Variants in CRYBG1 observed in about 807,000 individuals in gnomAD.
CRYBG1 encodes beta/gamma crystallin domain-containing protein 1.
In CRYBG1, 139 loss-of-function variants were observed where a neutral mutation model predicts 189.2. That is an observed-to-expected ratio of 0.73 (90% CI 0.64 to 0.85). The LOEUF is 0.85. Ranked by LOEUF, CRYBG1 falls within the 40% of genes least tolerant of loss-of-function variation. CRYBG1 has a pLI of 0.00. For missense variants in CRYBG1, 2,611 were observed against 2,675.8 expected, an observed-to-expected ratio of 0.98 and a Z score of 0.53; for synonymous variants, 1,023 against 1,017.1, an observed-to-expected ratio of 1.01 and a Z score of -0.11.
intron 2 of CRYBG1, among the ~76,000 whole-genome samples, chr6:106,489,268 A>G (rs1397691324): frequency 1.3e-5 from 2 of 152,028 alleles, no homozygotes; most frequent in African/African-American, 4.8e-5. Context: ...CAGTCACTCC[A>G]GTCAGAATAT....
At chr6:106,465,146 T>G (rs1234783310) in intron 2 of CRYBG1, among the ~76,000 whole-genome samples, 1 of 152,214 alleles carries the variant, frequency 6.6e-6, no homozygotes, top group African/African-American at 2.4e-5. Flanking sequence ...CTCAAATAAT[T>G]TATCCATATT....
intron 1 of CRYBG1, among the ~76,000 whole-genome samples, chr6:106,368,643 T>C (rs1381410974): frequency 2.0e-5 from 3 of 152,182 alleles, no homozygotes; most frequent in Non-Finnish European, 4.4e-5. Flanking sequence ...ATATGAGAAG[T>C]CTTCCCTCTA....
chr6:106,508,305 G>GT (rs2114518490), intron 2 of CRYBG1, among the ~76,000 whole-genome samples: 1 of 116,424 alleles, frequency 8.6e-6, no homozygotes, highest in East Asian at 3.2e-4. Context: ...TTTCCCAGGG[G>GT]GAAAACTCTG....
intron 1 of CRYBG1, among the ~76,000 whole-genome samples, chr6:106,397,140 T>G (rs1179980912): frequency 6.6e-6 from 1 of 152,250 alleles, no homozygotes; most frequent in African/African-American, 2.4e-5. Context: ...AACGTGTAAT[T>G]GGCAAATAAA....
intron 1 of CRYBG1, among the ~76,000 whole-genome samples, chr6:106,429,302 T>G (rs1034336235): frequency 6.6e-6 from 1 of 152,188 alleles, no homozygotes; most frequent in African/African-American, 2.4e-5. Context: ...CCTCAGTTCT[T>G]CCTTTTATAA....
chr6:106,404,964 C>CA, intron 1 of CRYBG1, among the ~76,000 whole-genome samples: 1 of 152,136 alleles, frequency 6.6e-6, no homozygotes, highest in African/African-American at 2.4e-5. Context: ...GCTGTTTGGG[C>CA]AGACACCAAG....
chr6:106,546,104 T>C (rs1774261602), intron 13 of CRYBG1, among the ~76,000 whole-genome samples: 1 of 152,154 alleles, frequency 6.6e-6, no homozygotes, highest in South Asian at 2.1e-4. Context: ...GAGACGGCCA[T>C]GTCTGGGCTA....
At position 106,544,595 on chromosome 6, in the gene CRYBG1, A is replaced by AT. The variant is rs765061637; in HGVS notation, c.5067dup (p.Thr1690TyrfsTer34). ...GTTGGGTTGCATATGAGAAACCTGG[A>AT]TTTACCGGTCATCAGTATTTGCTAG... On this transcript the variant is annotated frameshift_variant, in exon 12 of 22. Coordinates refer to ENST00000633556, the MANE Select transcript of CRYBG1 (RefSeq NM_001371242.2). LOFTEE classifies it high-confidence loss of function. The AT allele has an allele frequency of 2.2e-5, 36 of 1,613,828 alleles. No homozygotes were observed. The highest frequency in any genetic ancestry group is 3.0e-5 in the Non-Finnish European group (35 of 1,179,874).
chr6:106,447,627 G>A (rs1771691535), intron 1 of CRYBG1, among the ~76,000 whole-genome samples: 1 of 150,006 alleles, frequency 6.7e-6, no homozygotes, highest in Non-Finnish European at 1.5e-5. Flanking sequence ...TTACCCTTTG[G>A]AAAAGAAAAG....
chr6:106,412,139 T>C (rs1425550882), intron 1 of CRYBG1, among the ~76,000 whole-genome samples: 1 of 152,234 alleles, frequency 6.6e-6, no homozygotes, highest in East Asian at 1.9e-4. Flanking sequence ...ATCACATCGT[T>C]ATTCACAGAT....
chr6:106,558,073 A>C (rs954575729), intron 17 of CRYBG1, among the ~76,000 whole-genome samples: 5 of 152,142 alleles, frequency 3.3e-5, no homozygotes, highest in Non-Finnish European at 7.4e-5. Context: ...AGGCAATACC[A>C]CTGTACACTA....
intron 2 of CRYBG1, among the ~76,000 whole-genome samples, chr6:106,489,505 C>T (rs983133204): frequency 6.6e-6 from 1 of 151,862 alleles, no homozygotes; most frequent in African/African-American, 2.4e-5. Context: ...ATTCCCTTGT[C>T]ATTTTTTTGG....
At chr6:106,539,251 A>T in intron 8 of CRYBG1, 152 bp from the exon 9 acceptor site, 1 of 794,914 alleles carries the variant, frequency 1.3e-6, no homozygotes, top group Non-Finnish European at 2.0e-6. Context: ...CCTTGAGTCT[A>T]GTGTGATTCT....
intron 2 of CRYBG1, among the ~76,000 whole-genome samples, chr6:106,492,776 A>C (rs927224080): frequency 6.6e-6 from 1 of 152,126 alleles, no homozygotes; most frequent in African/African-American, 2.4e-5. Context: ...TTTTACCTCA[A>C]ACTGAGTTCT....
At chr6:106,442,672 C>T (rs572067115) in intron 1 of CRYBG1, among the ~76,000 whole-genome samples, 84 of 152,250 alleles carry the variant, frequency 5.5e-4, no homozygotes, top group South Asian at 3.3e-3. Context: ...TTGCAGAAAG[C>T]GCTTTGTATT....
In CRYBG1 at chr6:106,569,111, G is replaced by A. The variant is rs529270505; in HGVS notation, c.*545G>A. On this transcript the variant is annotated 3_prime_UTR_variant, in exon 22 of 22. Coordinates refer to ENST00000633556, the MANE Select transcript of CRYBG1 (RefSeq NM_001371242.2). The stretch of plus-strand genomic sequence containing the variant: ...ATATGCTGCATAGCACAATGGGAAA[G>A]CCTTAGGTATTCACACATTTAAGGA... 2 of 152,354 alleles carry A rather than the reference G, an allele frequency of 1.3e-5. No individual in the cohort carries two copies. Among genetic ancestry groups the A allele is most frequent in the African/African-American group, 2.4e-5 (1 of 41,564 alleles). 9.4% of individuals were successfully genotyped at this position (152,354 alleles called of 1,614,324 possible).
At chr6:106,553,370 C>T in intron 15 of CRYBG1, 85 bp from the exon 16 acceptor site, 1 of 838,368 alleles carries the variant, frequency 1.2e-6, no homozygotes, top group South Asian at 1.6e-5. Context: ...GTCAGCAGGT[C>T]ATGTTTAGGT....
chr6:106,551,750 C>A, intron 13 of CRYBG1, 102 bp from the exon 14 acceptor site: 2 of 1,341,602 alleles, frequency 1.5e-6, no homozygotes, highest in Non-Finnish European at 2.1e-6. Flanking sequence ...TTTCAATTGG[C>A]AAAACAAATG....
chr6:106,370,193 C>T (rs1044789400), intron 1 of CRYBG1, among the ~76,000 whole-genome samples: 7 of 152,234 alleles, frequency 4.6e-5, no homozygotes, highest in African/African-American at 1.7e-4. Flanking sequence ...AACAGAAATT[C>T]AAAAGTATAT....
Sources: gnomAD v4.1 joint callset for allele counts (sites outside exome capture counted in the v4.1 genomes callset) on GRCh38, gnomAD v4.1.1 for gene constraint, MANE v1.5 for transcripts, NCBI Gene and HGNC (gene_info 2026-07-23, HGNC 2026-07-21) for gene names.